The following ACTL6B variants were observed in gnomAD, a reference collection of about 807,000 sequenced individuals.
ACTL6B encodes the protein actin like 6B.
A neutral mutation model predicts 63.3 loss-of-function variants in ACTL6B; 48 were observed. The ratio of observed to expected loss-of-function variants is 0.76; its 90% CI spans 0.60 to 0.96. The LOEUF is 0.96. Ranked by LOEUF, ACTL6B falls within the 50% of genes least tolerant of loss-of-function variation. The probability of loss-of-function intolerance (pLI) is 0.00; values close to 1 mark genes in which losing one functional copy is unlikely to be tolerated. For synonymous variants in ACTL6B, 230 were observed against 223.8 expected (o/e 1.03, Z -0.25); for missense variants, 350 against 572.2 (o/e 0.61, Z 3.96).
Position 100,646,165 on chromosome 7 carries a change from G to A in ACTL6B, c.1200+84C>T. ...ATGTTTGTTGAATGAATGAATGAAC[G>A]AAGAGGCAGTCAAAGTGGCGGGCAC... On this transcript the variant is annotated intron_variant, in intron 13 of 13. Coordinates refer to ENST00000160382, the MANE Select transcript of ACTL6B (RefSeq NM_016188.5). The surrounding 1 kb of genome is among the most constrained non-coding windows in gnomAD (Gnocchi z 6.1). 2.6e-6 allele frequency: 3 copies of A among 1,141,914 alleles called. No homozygotes were observed. The highest frequency in any genetic ancestry group is 4.9e-5 in the East Asian group (2 of 40,808). 70.7% of individuals were successfully genotyped at this position (1,141,914 alleles called of 1,614,324 possible).
Position 100,656,013 on chromosome 7 carries a change from T to A in ACTL6B, c.26-134A>T, listed in dbSNP as rs1484460249. 6.4e-6 allele frequency: 6 copies of A among 941,520 alleles called. No homozygotes were observed. In the Admixed American group the frequency reaches 1.6e-4, roughly 26 times the overall value. 58.3% of individuals were successfully genotyped at this position (941,520 alleles called of 1,614,324 possible). The stretch of plus-strand genomic sequence containing the variant: ...GTCTGGGGCCGGTGGGAGCTGGGCC[T>A]GGAGTCCGAGGTCCTGGGACTGGGG... On this transcript the variant is annotated intron_variant, in intron 1 of 13. Transcript: ENST00000160382.
chr7:100,646,693 C>T lies in ACTL6B; in HGVS notation c.1018-47G>A, dbSNP rs1803828537. Reference sequence around the variant, plus strand: ...GAGCTGCGGGGGCAGCCCCCCAACCCCGTCTCCCCACTTCCCCTGGGCCCC... The same window carrying T: ...GAGCTGCGGGGGCAGCCCCCCAACCTCGTCTCCCCACTTCCCCTGGGCCCC... On this transcript the variant is annotated intron_variant, in intron 11 of 13. Coordinates refer to ENST00000160382, the MANE Select transcript of ACTL6B (RefSeq NM_016188.5). This position sits in a 1 kb window ranked among gnomAD's most constrained non-coding sequence, Gnocchi z 6.1. The T allele has an allele frequency of 6.2e-7, 1 of 1,613,178 alleles. No homozygotes were observed. Among genetic ancestry groups the T allele is most frequent in the Non-Finnish European group, 8.5e-7 (1 of 1,179,692 alleles).
chr7:100,649,514 T>C (rs1488846357), intron 5 of ACTL6B, among the ~76,000 whole-genome samples: 1 of 151,410 alleles, frequency 6.6e-6, no homozygotes, highest in Non-Finnish European at 1.5e-5. Flanking sequence ...GCCGGACTGG[T>C]CTCTAACTCC....
At chr7:100,653,676 A>T (rs1263961942) in intron 4 of ACTL6B, among the ~76,000 whole-genome samples, 1 of 151,976 alleles carries the variant, frequency 6.6e-6, no homozygotes, top group Admixed American at 6.6e-5. Flanking sequence ...CAAACAACAA[A>T]CAAAACCCCA....
chr7:100,643,343 A>G lies in ACTL6B; in HGVS notation c.1201-17T>C. The stretch of plus-strand genomic sequence containing the variant: ...GAAAGTGCCCTGGGTGGAGGGGGTA[A>G]TATCAGGGTCAGGGTGGCCTTGGAG... On this transcript the variant is annotated splice_polypyrimidine_tract_variant and intron_variant, in intron 13 of 13. Coordinates refer to ENST00000160382, the MANE Select transcript of ACTL6B (RefSeq NM_016188.5). The G allele has an allele frequency of 1.2e-6, 2 of 1,612,978 alleles. No homozygotes were observed. The highest frequency in any genetic ancestry group is 1.1e-5 in the South Asian group (1 of 91,022).
At chr7:100,653,152 G>A (rs1009207054) in intron 4 of ACTL6B, among the ~76,000 whole-genome samples, 1 of 151,508 alleles carries the variant, frequency 6.6e-6, no homozygotes, top group Non-Finnish European at 1.5e-5. Context: ...ATAGTAATAG[G>A]AGTGTAAATA....
In ACTL6B at chr7:100,647,087, T is replaced by A; in HGVS notation, c.822-2A>T. ...ACTGTGGGCATTTGTGCAGCCACCC[T>A]ACCCAGAAGGGAGCAGGACTCTGCC... is the stretch of plus-strand genomic sequence containing the variant. On this transcript the variant is annotated splice_acceptor_variant, in intron 9 of 13. Transcript: ENST00000160382. LOFTEE classifies it high-confidence loss of function. The surrounding 1 kb of genome is among the most constrained non-coding windows in gnomAD (Gnocchi z 4.4). 1 of 1,613,834 alleles carries A rather than the reference T, an allele frequency of 6.2e-7. No homozygotes were observed. The highest frequency in any genetic ancestry group is 8.5e-7 in the Non-Finnish European group (1 of 1,179,850).
rs763233278 is a variant in ACTL6B at position 100,647,403 on chromosome 7, C to A, written c.759+41G>T. On this transcript the variant is annotated intron_variant, in intron 8 of 13. Coordinates refer to ENST00000160382, the MANE Select transcript of ACTL6B (RefSeq NM_016188.5). This position sits in a 1 kb window ranked among gnomAD's most constrained non-coding sequence, Gnocchi z 4.4. Reference sequence around the variant, plus strand: ...CCTCTGTCCCGCCCCCGATTCATGGCAGGGGAGGGGGGTTTCAGGTGGCCC... The same window carrying A: ...CCTCTGTCCCGCCCCCGATTCATGGAAGGGGAGGGGGGTTTCAGGTGGCCC... 7.5e-6 allele frequency: 12 copies of A among 1,601,850 alleles called. No homozygotes were observed. Among genetic ancestry groups the A allele is most frequent in the Non-Finnish European group, 9.4e-6 (11 of 1,170,032 alleles).
rs923769485 is a variant in ACTL6B at position 100,646,261 on chromosome 7, G to C, written c.1188C>G (p.Ile396Met). The C allele has an allele frequency of 6.2e-7, 1 of 1,614,176 alleles. No individual in the cohort carries two copies. Among genetic ancestry groups the C allele is most frequent in the Admixed American group, 1.7e-5 (1 of 60,016 alleles). The change falls in exon 13 of 14, where the codon ATC becomes ATG. Residue 396 changes from isoleucine to methionine, a missense_variant. Transcript: ENST00000160382. This position sits in a 1 kb window ranked among gnomAD's most constrained non-coding sequence, Gnocchi z 6.1. ...RKFSPWIGGSILASLGTFQQM... is the reference protein window; with the variant it reads ...RKFSPWIGGSMLASLGTFQQM... ...CCTTTCCTCTCACCAGTGAGGCCAG[G>C]ATGGAACCCCCGATCCAGGGGCTGA...
intron 4 of ACTL6B, among the ~76,000 whole-genome samples, chr7:100,652,174 G>T (rs189776662): frequency 2.0e-5 from 3 of 152,014 alleles, no homozygotes; most frequent in African/African-American, 4.8e-5. Context: ...CGAGGCCGGC[G>T]GATCGCGAGG....
In ACTL6B at chr7:100,643,696, C is replaced by T. The variant is rs1028777546; in HGVS notation, c.1201-370G>A. 3.9e-5 allele frequency among the ~76,000 whole-genome samples: 6 copies of T among 152,134 alleles called. No homozygotes were observed. The East Asian group carries it at 9.7e-4, about 25-fold the overall frequency. ...ACAGTCCTTCCCCACCAGGTGTCCT[C>T]TTCTCACTCCATCAGGGCTTTGGAA... On this transcript the variant is annotated intron_variant, in intron 13 of 13. Transcript: ENST00000160382.
intron 13 of ACTL6B, among the ~76,000 whole-genome samples, chr7:100,644,061 G>A (rs1196693956): frequency 2.0e-5 from 3 of 152,008 alleles, no homozygotes; most frequent in South Asian, 4.1e-4. Flanking sequence ...CAACACGCCC[G>A]GCTAATTTTT....
rs2231176 is a variant in ACTL6B, at chr7:100,646,440, G to T, written c.1114-105C>A. Reference sequence around the variant, plus strand: ...GGGAAGCCACAGGGGCAGGGGTTCTGCTCTGGTGGCCAGAACAGAAGGAAG... The same window carrying T: ...GGGAAGCCACAGGGGCAGGGGTTCTTCTCTGGTGGCCAGAACAGAAGGAAG... On this transcript the variant is annotated intron_variant, in intron 12 of 13. Transcript: ENST00000160382. The surrounding 1 kb of genome is among the most constrained non-coding windows in gnomAD (Gnocchi z 6.1). 2.1e-3 allele frequency: 3,189 copies of T among 1,546,446 alleles called. 88 individuals are homozygous for T. In the East Asian group the frequency reaches 0.057, roughly 27 times the overall value.
rs141744248 is a variant in ACTL6B at position 100,650,322 on chromosome 7, GCA to G, written c.370-189_370-188del. The stretch of plus-strand genomic sequence containing the variant: ...CGGTCATACACACATGCATTCACTT[GCA>G]CACACACACACATACACTCAAACAC... On this transcript the variant is annotated intron_variant, in intron 4 of 13. Coordinates refer to ENST00000160382, the MANE Select transcript of ACTL6B (RefSeq NM_016188.5). 7.8e-3 allele frequency among the ~76,000 whole-genome samples: 1,172 copies of G among 149,588 alleles called. 13 individuals are homozygous for G. Among genetic ancestry groups the G allele is most frequent in the African/African-American group, 0.026 (1,074 of 40,688 alleles).
At position 100,648,238 on chromosome 7, in the gene ACTL6B, G is replaced by GCC; in HGVS notation, c.669+317_669+318insGG. 9.6e-6 allele frequency: 2 copies of GCC among 207,270 alleles called. No individual in the cohort carries two copies. Among genetic ancestry groups the GCC allele is most frequent in the East Asian group, 1.2e-4 (1 of 8,152 alleles). The allele number at this position is 207,270 out of a possible 1,614,324, so 12.8% of individuals were successfully genotyped here. A position where few individuals can be genotyped will look rare whatever the true frequency, so the allele number is the denominator to read the frequency against. On this transcript the variant is annotated intron_variant, in intron 7 of 13. Coordinates refer to ENST00000160382, the MANE Select transcript of ACTL6B (RefSeq NM_016188.5). This position sits in a 1 kb window ranked among gnomAD's most constrained non-coding sequence, Gnocchi z 4.4. Reference sequence around the variant, plus strand: ...CTCCCGAAGTGCTGGGATTACAGGTGTGAGCCACCATGCCTGACCGGTCCT... The same window carrying GCC: ...CTCCCGAAGTGCTGGGATTACAGGTGCCTGAGCCACCATGCCTGACCGGTCCT...
At chr7:100,651,328 A>G (rs1803935901) in intron 4 of ACTL6B, among the ~76,000 whole-genome samples, 2 of 152,098 alleles carry the variant, frequency 1.3e-5, no homozygotes, top group African/African-American at 4.8e-5. Flanking sequence ...AGGCGGGCAG[A>G]TCACCTGAGG....
At position 100,656,436 on chromosome 7, in the gene ACTL6B, C is replaced by T. The variant is rs1013993227; in HGVS notation, c.-82G>A. 4 of 1,247,190 alleles carry T rather than the reference C, an allele frequency of 3.2e-6. No homozygotes were observed. Among genetic ancestry groups the T allele is most frequent in the Admixed American group, 4.2e-5 (1 of 23,930 alleles). The allele number at this position is 1,247,190 out of a possible 1,614,324, so 77.3% of individuals were successfully genotyped here. A position where few individuals can be genotyped will look rare whatever the true frequency, so the allele number is the denominator to read the frequency against. On this transcript the variant is annotated 5_prime_UTR_variant, in exon 1 of 14. Coordinates refer to ENST00000160382, the MANE Select transcript of ACTL6B (RefSeq NM_016188.5). Reference sequence around the variant, plus strand: ...GCCGGACAGCTCCCGGGATCCCTGGCGGGGCGGGACTCTCAGCGGCCAATT... The same window carrying T: ...GCCGGACAGCTCCCGGGATCCCTGGTGGGGCGGGACTCTCAGCGGCCAATT...
Position 100,646,034 on chromosome 7 carries a change from G to A in ACTL6B, c.1200+215C>T, listed in dbSNP as rs1307333623. On this transcript the variant is annotated intron_variant, in intron 13 of 13. Coordinates refer to ENST00000160382, the MANE Select transcript of ACTL6B (RefSeq NM_016188.5). The surrounding 1 kb of genome is among the most constrained non-coding windows in gnomAD (Gnocchi z 6.1). ...CATCCCCCCACTTCAGCCACCCAAA[G>A]TGCTGGGATGACAGGTGTGGGCCAC... Among the ~76,000 whole-genome samples, 1 of 152,246 alleles carries A rather than the reference G, an allele frequency of 6.6e-6. No individual in the cohort carries two copies. Among genetic ancestry groups the A allele is most frequent in the Non-Finnish European group, 1.5e-5 (1 of 68,048 alleles).
intron 4 of ACTL6B, among the ~76,000 whole-genome samples, chr7:100,652,496 C>G (rs1159128103): frequency 6.9e-6 from 1 of 144,592 alleles, no homozygotes; most frequent in East Asian, 2.0e-4. Flanking sequence ...ACTCGGGAGG[C>G]TGAGGCAGGA....
Sources: gnomAD v4.1 joint callset for allele counts (sites outside exome capture counted in the v4.1 genomes callset) on GRCh38, gnomAD v4.1.1 for gene constraint, Gnocchi (gnomAD v3.1) non-coding constraint, MANE v1.5 for transcripts, NCBI Gene and HGNC (gene_info 2026-07-23, HGNC 2026-07-21) for gene names.